Variants in CSRNP3 observed in about 807,000 individuals in gnomAD.
CSRNP3 encodes the protein cysteine and serine rich nuclear protein 3, also known as cysteine/serine-rich nuclear protein 3.
Under a neutral mutation model 48.0 loss-of-function variants are expected in CSRNP3, and 12 were observed. That is an observed-to-expected ratio of 0.25 (90% confidence interval 0.16 to 0.41). The LOEUF (loss-of-function observed/expected upper bound fraction) is 0.41. CSRNP3 is among the 10% of genes least tolerant of loss of function. CSRNP3 has a pLI of 1.00. For missense variants in CSRNP3, 580 were observed against 724.4 expected, an observed-to-expected ratio of 0.80 and a Z score of 2.29; for synonymous variants, 263 against 269.7, an observed-to-expected ratio of 0.98 and a Z score of 0.24.
chr2:165,658,109 A>G, intron 5 of CSRNP3, 89 bp downstream of exon 5: 1 of 1,406,896 alleles, frequency 7.1e-7, no homozygotes, highest in Non-Finnish European at 9.6e-7. Flanking sequence ...ATCACGAAAC[A>G]AACTGGGCAC....
At chr2:165,523,090 T>C (rs909653693) in intron 3 of CSRNP3, among the ~76,000 whole-genome samples, 3 of 152,160 alleles carry the variant, frequency 2.0e-5, no homozygotes, top group Non-Finnish European at 2.9e-5. Flanking sequence ...TGGAAACTAC[T>C]TGTGAATCTT....
At chr2:165,471,973 C>T (rs1459805271) in intron 1 of CSRNP3, among the ~76,000 whole-genome samples, 1 of 151,862 alleles carries the variant, frequency 6.6e-6, no homozygotes, top group Admixed American at 6.6e-5. Flanking sequence ...AAGGCATCAC[C>T]ATTTTTTTTT....
intron 4 of CSRNP3, among the ~76,000 whole-genome samples, chr2:165,609,951 T>C (rs908652577): frequency 1.3e-5 from 2 of 152,234 alleles, no homozygotes; most frequent in African/African-American, 4.8e-5. Context: ...TTATTCTTTC[T>C]ATTCTTGCTG....
chr2:165,667,233 G>C (rs1687250383), intron 5 of CSRNP3, among the ~76,000 whole-genome samples: 1 of 152,196 alleles, frequency 6.6e-6, no homozygotes, highest in Non-Finnish European at 1.5e-5. Context: ...TCTGAGATTA[G>C]GGACCAGGGC....
At chr2:165,535,540 C>CT (rs1684870883) in intron 3 of CSRNP3, among the ~76,000 whole-genome samples, 1 of 151,828 alleles carries the variant, frequency 6.6e-6, no homozygotes. Flanking sequence ...GATGGCCTTC[C>CT]GTCATCAAGG....
chr2:165,679,516 C>T lies in CSRNP3; in HGVS notation c.1521C>T (p.Ser507=), dbSNP rs766392480. 3.2e-5 allele frequency: 51 copies of T among 1,613,636 alleles called. No homozygotes were observed. The highest frequency in any genetic ancestry group is 2.0e-4 in the South Asian group (18 of 91,054). The change falls in exon 7 of 7, where the codon TCC becomes TCT. Residue 507 remains serine, a synonymous_variant. Transcript: ENST00000651982. ...CTGTAATCGTTTGCTGCTCCTCTTC[C>T]GAAAATGATAGCGGTGTGCCCTGCA... ...NPSVIVCCSS[S]ENDSGVPCNS... is the part of the protein sequence containing the mutation.
chr2:165,486,018 T>G (rs543336118), intron 1 of CSRNP3, among the ~76,000 whole-genome samples: 1 of 152,264 alleles, frequency 6.6e-6, no homozygotes, highest in African/African-American at 2.4e-5. Context: ...GATTTCTGCA[T>G]TTCCATCTGA....
At chr2:165,474,736 C>T (rs1169096536) in intron 1 of CSRNP3, among the ~76,000 whole-genome samples, 2 of 152,132 alleles carry the variant, frequency 1.3e-5, no homozygotes, top group African/African-American at 4.8e-5. Flanking sequence ...CTTAGAAAGG[C>T]TTTGCATGGA....
chr2:165,665,300 T>G (rs1190594462), intron 5 of CSRNP3, among the ~76,000 whole-genome samples: 7 of 152,164 alleles, frequency 4.6e-5, no homozygotes, highest in African/African-American at 1.4e-4. Flanking sequence ...TGAGCATCAC[T>G]GGTATTAGAG....
chr2:165,477,289 C>T (rs1035052039), intron 1 of CSRNP3, among the ~76,000 whole-genome samples: 4 of 151,122 alleles, frequency 2.6e-5, no homozygotes, highest in Non-Finnish European at 4.4e-5. Context: ...TCTATGCTAA[C>T]GTACACTAAG....
At chr2:165,555,767 C>T (rs186599933) in intron 3 of CSRNP3, among the ~76,000 whole-genome samples, 65 of 152,242 alleles carry the variant, frequency 4.3e-4, no homozygotes, top group African/African-American at 1.5e-3. Context: ...AGGCATTAGT[C>T]AGATGAAGAA....
intron 3 of CSRNP3, among the ~76,000 whole-genome samples, chr2:165,557,970 T>A (rs755033406): frequency 1.3e-5 from 2 of 152,228 alleles, no homozygotes; most frequent in African/African-American, 2.4e-5. Flanking sequence ...GTTAATATTC[T>A]TATTAATGTT....
intron 3 of CSRNP3, among the ~76,000 whole-genome samples, chr2:165,546,292 A>C (rs1481637195): frequency 6.6e-6 from 1 of 152,152 alleles, no homozygotes; most frequent in East Asian, 1.9e-4. Flanking sequence ...AATTGGGTTC[A>C]AGCGATTCTC....
chr2:165,495,415 G>C (rs147555768), intron 2 of CSRNP3, among the ~76,000 whole-genome samples: 2,545 of 152,128 alleles, frequency 0.017, 25 homozygotes, highest in Non-Finnish European at 0.024. Flanking sequence ...TTAAAACTCA[G>C]ACTCAAGGCC....
intron 4 of CSRNP3, among the ~76,000 whole-genome samples, chr2:165,597,902 T>G (rs1437952888): frequency 6.6e-6 from 1 of 152,150 alleles, no homozygotes; most frequent in Non-Finnish European, 1.5e-5. Flanking sequence ...AAATCGGTAC[T>G]CATTTCTCCA....
In CSRNP3 at chr2:165,574,403, G is replaced by GT. The variant is rs760366409; in HGVS notation, c.-23-20639dup. The GT allele has an allele frequency of 6.5e-6, 10 of 1,550,290 alleles. No homozygotes were observed. The East Asian group carries it at 7.3e-5, about 11-fold the overall frequency. Reference sequence around the variant, plus strand: ...TGAGAGTGAAGATTTTACAGCGTGTGTGCCGTAGTCGTTATATAGTGCACG... The same window carrying GT: ...TGAGAGTGAAGATTTTACAGCGTGTGTTGCCGTAGTCGTTATATAGTGCACG... On this transcript the variant is annotated intron_variant, in intron 3 of 6. Coordinates refer to ENST00000651982, the MANE Select transcript of CSRNP3 (RefSeq NM_001172173.2).
intron 2 of CSRNP3, among the ~76,000 whole-genome samples, chr2:165,502,881 A>C (rs529190103): frequency 6.6e-6 from 1 of 151,940 alleles, no homozygotes; most frequent in African/African-American, 2.4e-5. Context: ...TTGCACTTGA[A>C]TTTCTCTGAA....
rs1687662618 is a variant in CSRNP3, at chr2:165,688,229, AAAAAT to A, written c.*8486_*8490del. The A allele has an allele frequency of 4.6e-5, 7 of 152,246 alleles. No individual in the cohort carries two copies. The highest frequency in any genetic ancestry group is 1.4e-4 in the African/African-American group (6 of 41,570). 9.4% of individuals were successfully genotyped at this position (152,246 alleles called of 1,614,324 possible). On this transcript the variant is annotated 3_prime_UTR_variant, in exon 7 of 7. Transcript: ENST00000651982. ...GAAATTTACAGTACAGAAATAGTAA[AAAAAT>A]AAAATAAAAATAAACCTGTAGATTA...
chr2:165,548,665 T>A (rs1685061079), intron 3 of CSRNP3, among the ~76,000 whole-genome samples: 1 of 152,048 alleles, frequency 6.6e-6, no homozygotes, highest in Admixed American at 6.6e-5. Context: ...GTCTAAATTG[T>A]ATGGAAATCA....
Sources: gnomAD v4.1 joint callset for allele counts (sites outside exome capture counted in the v4.1 genomes callset) on GRCh38, gnomAD v4.1.1 for gene constraint, MANE v1.5 for transcripts, NCBI Gene and HGNC (gene_info 2026-07-23, HGNC 2026-07-21) for gene names.